Variants in BBX observed in about 807,000 individuals in gnomAD.
The protein encoded by BBX is BBX high mobility group box domain containing.
In BBX, 30 loss-of-function variants were observed where a neutral mutation model predicts 100.2. The observed-to-expected ratio is 0.30, with a 90% CI of 0.22 to 0.41. BBX has a LOEUF of 0.41. Among genes scored for constraint, BBX ranks in the 10% least tolerant of loss-of-function variants. The probability of loss-of-function intolerance (pLI) is 1.00; values close to 1 mark genes in which losing one functional copy is unlikely to be tolerated. For synonymous variants in BBX, 376 were observed against 388.1 expected, an observed-to-expected ratio of 0.97 and a Z score of 0.37; for missense variants, 1,023 against 1,129.8, an observed-to-expected ratio of 0.91 and a Z score of 1.35.
At chr3:107,703,717 T>C (rs1388256721) in intron 3 of BBX, among the ~76,000 whole-genome samples, 1 of 152,222 alleles carries the variant, frequency 6.6e-6, no homozygotes, top group Non-Finnish European at 1.5e-5. Flanking sequence ...AGTATTACTT[T>C]ATTGAATGAG....
chr3:107,582,131 T>A (rs991271181), intron 2 of BBX, among the ~76,000 whole-genome samples: 9 of 151,524 alleles, frequency 5.9e-5, no homozygotes, highest in Admixed American at 4.6e-4. Flanking sequence ...ACCTTCTTTT[T>A]AAAAAAAAAT....
chr3:107,619,593 C>T lies in BBX; in HGVS notation c.-83-26243C>T, dbSNP rs557463945. ...GTTTTTTCTTTCACTTTTTCTTCTC[C>T]GTTTATTGAATGTTTTTAGCTGCTC... On this transcript the variant is annotated intron_variant, in intron 2 of 17. Coordinates refer to ENST00000325805, the MANE Select transcript of BBX (RefSeq NM_001142568.3). Among the ~76,000 whole-genome samples the T allele has an allele frequency of 8.2e-4, 124 of 151,550 alleles. 1 individual carries two copies. The highest frequency in any genetic ancestry group is 2.7e-3 in the African/African-American group (110 of 41,382).
chr3:107,759,243 T>A (rs993926628), intron 10 of BBX, among the ~76,000 whole-genome samples: 1 of 152,090 alleles, frequency 6.6e-6, no homozygotes, highest in Non-Finnish European at 1.5e-5. Context: ...TTAAACTGGG[T>A]AGACTTTTAA....
intron 3 of BBX, among the ~76,000 whole-genome samples, chr3:107,681,932 C>T (rs1306815536): frequency 6.6e-6 from 1 of 152,056 alleles, no homozygotes; most frequent in Non-Finnish European, 1.5e-5. Context: ...GTCTAGATCA[C>T]TGGGGAAGCT....
At chr3:107,756,917 A>G (rs961326165) in intron 10 of BBX, among the ~76,000 whole-genome samples, 1 of 152,226 alleles carries the variant, frequency 6.6e-6, no homozygotes, top group African/African-American at 2.4e-5. Context: ...CTTTAGAGTT[A>G]GAGTTGTAAA....
chr3:107,757,059 T>TGTG, intron 10 of BBX, among the ~76,000 whole-genome samples: 1 of 152,118 alleles, frequency 6.6e-6, no homozygotes, highest in Non-Finnish European at 1.5e-5. Flanking sequence ...TGTATGACCC[T>TGTG]CTGCTTGTGC....
intron 2 of BBX, among the ~76,000 whole-genome samples, chr3:107,545,408 G>GA (rs1194328901): frequency 1.3e-5 from 2 of 152,086 alleles, no homozygotes; most frequent in East Asian, 3.8e-4. Context: ...GAGAATGAAA[G>GA]AAAAAATGAA....
chr3:107,665,646 C>T (rs1048963495), intron 3 of BBX, among the ~76,000 whole-genome samples: 5 of 152,046 alleles, frequency 3.3e-5, no homozygotes, highest in East Asian at 3.9e-4. Flanking sequence ...TTTGGCTTCC[C>T]GATTTCATTT....
chr3:107,614,182 C>T (rs2055074529), intron 2 of BBX, among the ~76,000 whole-genome samples: 1 of 152,014 alleles, frequency 6.6e-6, no homozygotes, highest in African/African-American at 2.4e-5. Flanking sequence ...GATCTCTTGA[C>T]ATCATGGTCC....
Position 107,631,666 on chromosome 3 carries a change from A to G in BBX, c.-83-14170A>G, listed in dbSNP as rs1407760594. 2.6e-5 allele frequency among the ~76,000 whole-genome samples: 4 copies of G among 152,076 alleles called. No individual in the cohort carries two copies. The East Asian group carries it at 7.7e-4, about 29-fold the overall frequency. On this transcript the variant is annotated intron_variant, in intron 2 of 17. Coordinates refer to ENST00000325805, the MANE Select transcript of BBX (RefSeq NM_001142568.3). ...TTACCTAGAAATATATTACCAGTGCATGCATTCTTTTTGCTGTTTGTGGAT... is the reference window on the plus strand; with the variant it reads ...TTACCTAGAAATATATTACCAGTGCGTGCATTCTTTTTGCTGTTTGTGGAT...
At chr3:107,687,102 T>C (rs2059890808) in intron 3 of BBX, among the ~76,000 whole-genome samples, 2 of 152,194 alleles carry the variant, frequency 1.3e-5, no homozygotes, top group Admixed American at 1.3e-4. Context: ...TATTTTTTCC[T>C]TAGTACAGAA....
chr3:107,684,175 T>C (rs189574739), intron 3 of BBX, among the ~76,000 whole-genome samples: 10 of 152,320 alleles, frequency 6.6e-5, no homozygotes, highest in Non-Finnish European at 1.5e-4. Flanking sequence ...AATATTATAA[T>C]GTGGTTGCTA....
intron 10 of BBX, among the ~76,000 whole-genome samples, chr3:107,768,393 A>T (rs1309508576): frequency 6.6e-6 from 1 of 152,200 alleles, no homozygotes; most frequent in Non-Finnish European, 1.5e-5. Context: ...TAGAAAAAAC[A>T]TTCTTAGGTT....
Position 107,778,397 on chromosome 3 carries a change from A to G in BBX, c.2081A>G (p.Glu694Gly), listed in dbSNP as rs755500058. The G allele has an allele frequency of 7.4e-6, 12 of 1,612,830 alleles. No homozygotes were observed. The South Asian group carries it at 1.3e-4, about 18-fold the overall frequency. ...LGSAKLDEEFEKKFNSLPQYS... is the reference protein window; with the variant it reads ...LGSAKLDEEFGKKFNSLPQYS... ...TCCGCAAAGCTGGATGAAGAATTTGAAAAAAAATTCAACAGCCTCCCTCAA... is the reference window on the plus strand; with the variant it reads ...TCCGCAAAGCTGGATGAAGAATTTGGAAAAAAATTCAACAGCCTCCCTCAA... The change falls in exon 13 of 18, where the codon GAA (glutamate) becomes GGA (glycine). Residue 694 changes from glutamate (E) to glycine (G), a missense_variant. Coordinates refer to ENST00000325805, the MANE Select transcript of BBX (RefSeq NM_001142568.3).
chr3:107,685,082 A>G (rs2059772978), intron 3 of BBX, among the ~76,000 whole-genome samples: 1 of 152,222 alleles, frequency 6.6e-6, no homozygotes, highest in Non-Finnish European at 1.5e-5. Flanking sequence ...GCAGAGGTCA[A>G]CAGTATAATC....
chr3:107,565,301 AT>A (rs1242986516), intron 2 of BBX, among the ~76,000 whole-genome samples: 16 of 144,132 alleles, frequency 1.1e-4, no homozygotes, highest in Admixed American at 1.4e-4. Flanking sequence ...TCTTCTCTTT[AT>A]TTTTTTTTTG....
chr3:107,575,730 T>C (rs2051723074), intron 2 of BBX, among the ~76,000 whole-genome samples: 1 of 152,194 alleles, frequency 6.6e-6, no homozygotes, highest in Non-Finnish European at 1.5e-5. Context: ...CTCGGGTAAT[T>C]ATGTCTAATT....
intron 2 of BBX, among the ~76,000 whole-genome samples, chr3:107,542,668 C>A (rs1241255897): frequency 1.3e-5 from 2 of 152,146 alleles, no homozygotes; most frequent in Non-Finnish European, 2.9e-5. Context: ...GAACTATTAT[C>A]TCCACTTTGA....
At position 107,728,747 on chromosome 3, in the gene BBX, C is replaced by G; in HGVS notation, c.406-18C>G. 6.3e-7 allele frequency: 1 copy of G among 1,585,838 alleles called. No individual in the cohort carries two copies. Among genetic ancestry groups the G allele is most frequent in the Non-Finnish European group, 8.6e-7 (1 of 1,165,114 alleles). ...CTATTTGTTAATTAAAATCTGCTGT[C>G]TGTCGTTTTATTTATAGTATAAGGA... On this transcript the variant is annotated intron_variant, in intron 5 of 17. Coordinates refer to ENST00000325805, the MANE Select transcript of BBX (RefSeq NM_001142568.3).
Sources: gnomAD v4.1 joint callset for allele counts (sites outside exome capture counted in the v4.1 genomes callset) on GRCh38, gnomAD v4.1.1 for gene constraint, MANE v1.5 for transcripts, NCBI Gene and HGNC (gene_info 2026-07-23, HGNC 2026-07-21) for gene names.